CERT1: variants seen among roughly 807,000 people sequenced by gnomAD.
CERT1 encodes the protein ceramide transfer protein.
Under a neutral mutation model 87.9 loss-of-function variants are expected in CERT1, and 31 were observed. The observed-to-expected ratio is 0.35, with a 90% confidence interval of 0.27 to 0.48. The LOEUF (loss-of-function observed/expected upper bound fraction) is 0.48. CERT1 is among the 20% of genes least tolerant of loss of function. CERT1 has a pLI of 0.99. For missense variants in CERT1, 487 were observed against 758.0 expected (o/e 0.64, Z 4.20); for synonymous variants, 289 against 250.9 (o/e 1.15, Z -1.44).
rs540588442 is a variant in CERT1, at chr5:75,477,647, T to TAAA, written c.232-18469_232-18467dup. Among the ~76,000 whole-genome samples the TAAA allele has an allele frequency of 4.3e-3, 381 of 89,250 alleles. 7 individuals carry two copies. Among genetic ancestry groups the TAAA allele is most frequent in the Middle Eastern group, 0.021 (2 of 94 alleles). 58.6% of individuals were successfully genotyped at this position (89,250 alleles called of 152,430 possible). ...ATGAGAGTAAAGGTCTAATAAGTTG[T>TAAA]AAAAAAAAAAAAAAAAAAAAAACAA... On this transcript the variant is annotated intron_variant, in intron 2 of 16. Transcript: ENST00000643780.
At chr5:75,500,310 A>G (rs1767289714) in intron 2 of CERT1, among the ~76,000 whole-genome samples, 1 of 152,136 alleles carries the variant, frequency 6.6e-6, no homozygotes, top group South Asian at 2.1e-4. Flanking sequence ...AACCCTAGCA[A>G]ATGAATACAT....
At chr5:75,487,586 T>C (rs1766580329) in intron 2 of CERT1, among the ~76,000 whole-genome samples, 12 of 151,936 alleles carry the variant, frequency 7.9e-5, no homozygotes. Context: ...TGACAAGGGA[T>C]TAATAACCAG....
At chr5:75,479,754 G>C (rs1317701954) in intron 2 of CERT1, among the ~76,000 whole-genome samples, 2 of 151,916 alleles carry the variant, frequency 1.3e-5, no homozygotes, top group East Asian at 1.9e-4. Flanking sequence ...ATGAACATTC[G>C]AGTGCATGTG....
Position 75,511,442 on chromosome 5 carries a change from AGCCGCC to A in CERT1, c.-241_-236del. ...AAGGAAGCCTACCCTTCCAGCCGTC[AGCCGCC>A]GCCGCCGTCGCCGTGACCCCTGCGT... On this transcript the variant is annotated 5_prime_UTR_variant, in exon 1 of 17. Transcript: ENST00000643780. 6.5e-7 allele frequency: 1 copy of A among 1,535,646 alleles called. No individual in the cohort carries two copies. Among genetic ancestry groups the A allele is most frequent in the Non-Finnish European group, 8.8e-7 (1 of 1,140,322 alleles).
At chr5:75,389,985 C>T (rs1446784587) in intron 11 of CERT1, among the ~76,000 whole-genome samples, 1 of 152,106 alleles carries the variant, frequency 6.6e-6, no homozygotes, top group East Asian at 1.9e-4. Flanking sequence ...AAGAAATATT[C>T]CATTCTATAT....
intron 17 of CERT1, chr5:75,371,807 C>T (rs1317848362): frequency 1.3e-5 from 2 of 152,112 alleles, no homozygotes; most frequent in Non-Finnish European, 2.9e-5. Context: ...AGACAAATAT[C>T]TGTAGATGAG....
At position 75,511,620 on chromosome 5, in the gene CERT1, C is replaced by A; in HGVS notation, c.-413G>T. On this transcript the variant is annotated 5_prime_UTR_variant, in exon 1 of 17. Transcript: ENST00000643780. Reference sequence around the variant, plus strand: ...CTACCGCCGCCATCTTCCTGCCTGGCCCACTATTTACCCTCCCCTCCCCTG... The same window carrying A: ...CTACCGCCGCCATCTTCCTGCCTGGACCACTATTTACCCTCCCCTCCCCTG... The A allele has an allele frequency of 6.8e-7, 1 of 1,477,146 alleles. No homozygotes were observed. Among genetic ancestry groups the A allele is most frequent in the Non-Finnish European group, 9.0e-7 (1 of 1,112,348 alleles). 91.5% of individuals were successfully genotyped at this position (1,477,146 alleles called of 1,614,324 possible).
At chr5:75,376,043 A>T (rs576659575), downstream of CERT1, 1 of 152,272 alleles carries the variant, frequency 6.6e-6, no homozygotes, top group African/African-American at 2.4e-5. Flanking sequence ...TTCCCCAGAG[A>T]TGAATTTTTT....
intron 2 of CERT1, among the ~76,000 whole-genome samples, chr5:75,466,257 T>C (rs1765450173): frequency 6.6e-6 from 1 of 152,158 alleles, no homozygotes; most frequent in Non-Finnish European, 1.5e-5. Context: ...CTGCACACTG[T>C]TTCCATCAGC....
chr5:75,477,647 T>TAAAA lies in CERT1; in HGVS notation c.232-18470_232-18467dup, dbSNP rs540588442. Among the ~76,000 whole-genome samples, 111 of 89,098 alleles carry TAAAA rather than the reference T, an allele frequency of 1.2e-3. 3 individuals are homozygous for TAAAA. The highest frequency in any genetic ancestry group is 1.7e-3 in the South Asian group (4 of 2,376). 58.5% of individuals were successfully genotyped at this position (89,098 alleles called of 152,430 possible). On this transcript the variant is annotated intron_variant, in intron 2 of 16. Transcript: ENST00000643780. Reference sequence around the variant, plus strand: ...ATGAGAGTAAAGGTCTAATAAGTTGTAAAAAAAAAAAAAAAAAAAAAACAA... The same window carrying TAAAA: ...ATGAGAGTAAAGGTCTAATAAGTTGTAAAAAAAAAAAAAAAAAAAAAAAAAACAA...
chr5:75,389,024 A>G (rs1359674423), intron 12 of CERT1, among the ~76,000 whole-genome samples: 2 of 152,180 alleles, frequency 1.3e-5, no homozygotes, highest in Admixed American at 6.6e-5. Context: ...ATAGTTCCTT[A>G]GGAATGAGAA....
At chr5:75,501,740 A>G (rs552474078) in intron 2 of CERT1, among the ~76,000 whole-genome samples, 1 of 152,320 alleles carries the variant, frequency 6.6e-6, no homozygotes, top group South Asian at 2.1e-4. Flanking sequence ...AACCACTTGG[A>G]AAAAGGTTAG....
At chr5:75,453,931 T>C (rs1209486357) in intron 3 of CERT1, among the ~76,000 whole-genome samples, 2 of 151,970 alleles carry the variant, frequency 1.3e-5, no homozygotes, top group African/African-American at 2.4e-5. Flanking sequence ...CTGGGAAGGA[T>C]GGAAAAGAAA....
At chr5:75,415,619 A>G (rs748478933) in intron 7 of CERT1, among the ~76,000 whole-genome samples, 1 of 152,180 alleles carries the variant, frequency 6.6e-6, no homozygotes, top group Non-Finnish European at 1.5e-5. Context: ...ATGACCAAAG[A>G]ATATGATCCC....
chr5:75,442,435 G>A (rs909929938), intron 3 of CERT1, among the ~76,000 whole-genome samples: 1 of 152,108 alleles, frequency 6.6e-6, no homozygotes, highest in Non-Finnish European at 1.5e-5. Flanking sequence ...TGCCCAGTCT[G>A]GTCTTAAAGT....
At chr5:75,405,643 TC>T (rs1260230581) in intron 8 of CERT1, among the ~76,000 whole-genome samples, 1 of 152,080 alleles carries the variant, frequency 6.6e-6, no homozygotes, top group Non-Finnish European at 1.5e-5. Flanking sequence ...TACAATAGTC[TC>T]CCCCATCTGT....
intron 3 of CERT1, among the ~76,000 whole-genome samples, chr5:75,431,781 G>A (rs183846976): frequency 6.6e-6 from 1 of 152,148 alleles, no homozygotes; most frequent in Non-Finnish European, 1.5e-5. Context: ...ATTCCATGGG[G>A]TATATATGCC....
At chr5:75,427,999 T>C (rs1030218668) in intron 3 of CERT1, among the ~76,000 whole-genome samples, 6 of 152,148 alleles carry the variant, frequency 3.9e-5, no homozygotes, top group Non-Finnish European at 8.8e-5. Context: ...GAAACAAAAT[T>C]ATATACAATG....
intron 3 of CERT1, among the ~76,000 whole-genome samples, chr5:75,449,935 A>G (rs1008758168): frequency 6.6e-6 from 1 of 152,010 alleles, no homozygotes; most frequent in Non-Finnish European, 1.5e-5. Flanking sequence ...TTTTGACATA[A>G]TATCTTGTTA....
Sources: allele counts gnomAD v4.1 joint callset (sites outside exome capture counted in the v4.1 genomes callset), GRCh38; gene constraint gnomAD v4.1.1; transcripts MANE v1.5; gene names NCBI Gene and HGNC (gene_info 2026-07-23, HGNC 2026-07-21).